TRAK2: variants seen among roughly 807,000 people sequenced by gnomAD.
TRAK2 encodes trafficking kinesin-binding protein 2.
In TRAK2, 81 loss-of-function variants were observed where a neutral mutation model predicts 104.6. The observed-to-expected ratio is 0.77, with a 90% CI of 0.65 to 0.93. TRAK2 has a LOEUF of 0.93. Ranked by LOEUF, TRAK2 falls within the 40% of genes least tolerant of loss-of-function variation. The pLI is 0.00. For synonymous variants in TRAK2, 406 were observed against 394.4 expected, an observed-to-expected ratio of 1.03 and a Z score of -0.35; for missense variants, 1,002 against 1,089.0, an observed-to-expected ratio of 0.92 and a Z score of 1.12.
At chr2:201,412,699 T>C (rs1006684648) in intron 2 of TRAK2, 16 of 1,463,778 alleles carry the variant, frequency 1.1e-5, no homozygotes, top group Admixed American at 1.7e-5. Flanking sequence ...TTCAGAAGGA[T>C]TGGTTGATGA....
intron 3 of TRAK2, among the ~76,000 whole-genome samples, chr2:201,403,025 T>C (rs1285850988): frequency 6.6e-6 from 1 of 151,992 alleles, no homozygotes; most frequent in Non-Finnish European, 1.5e-5. Flanking sequence ...CTGACCAGAG[T>C]TAAAGATGAA....
In TRAK2 at chr2:201,420,575, C is replaced by A; in HGVS notation, c.-68G>T. The A allele has an allele frequency of 7.8e-7, 1 of 1,274,390 alleles. No homozygotes were observed. 78.9% of individuals were successfully genotyped at this position (1,274,390 alleles called of 1,614,324 possible). ...ATGAATCAGAGTAAAGGAAATCCAT[C>A]AAGCCATTCAATAATGAAATGGATT... On this transcript the variant is annotated 5_prime_UTR_variant, in exon 2 of 16. An upstream open reading frame in the 5' UTR loses its in-frame stop. Transcript: ENST00000332624.
intron 1 of TRAK2, among the ~76,000 whole-genome samples, chr2:201,437,108 T>A (rs1012132305): frequency 2.6e-5 from 4 of 152,222 alleles, no homozygotes; most frequent in African/African-American, 9.6e-5. Flanking sequence ...AGAATTAACA[T>A]GCAATAGACG....
intron 3 of TRAK2, among the ~76,000 whole-genome samples, chr2:201,401,414 G>A (rs1951549934): frequency 2.0e-5 from 3 of 151,982 alleles, no homozygotes; most frequent in Admixed American, 2.0e-4. Context: ...AATCTTGGCT[G>A]GGAGAATGGA....
At chr2:201,412,507 C>T (rs1951656781) in intron 2 of TRAK2, 1 of 1,157,386 alleles carries the variant, frequency 8.6e-7, no homozygotes, top group Non-Finnish European at 1.3e-6. Context: ...TTGCTTATTG[C>T]CTTCAAATAT....
chr2:201,397,722 C>T, intron 6 of TRAK2, 142 bp from the exon 7 acceptor site: 1 of 619,606 alleles, frequency 1.6e-6, no homozygotes, highest in Non-Finnish European at 2.8e-6. Context: ...ACATCTCTAC[C>T]TGGCTCATCC....
At chr2:201,406,624 C>T (rs2540334) in intron 3 of TRAK2, among the ~76,000 whole-genome samples, 28,367 of 152,138 alleles carry the variant, frequency 0.19, 2,865 homozygotes, top group Admixed American at 0.3. Context: ...CAATCACCTA[C>T]TTAATTCTAA....
At chr2:201,399,298 A>G in intron 5 of TRAK2, 79 bp downstream of exon 5, 1 of 920,046 alleles carries the variant, frequency 1.1e-6, no homozygotes, top group Non-Finnish European at 1.7e-6. Context: ...CCATCATTTC[A>G]GGGACACCTA....
At chr2:201,408,034 C>G (rs1263989267) in intron 2 of TRAK2, among the ~76,000 whole-genome samples, 1 of 152,112 alleles carries the variant, frequency 6.6e-6, no homozygotes, top group Non-Finnish European at 1.5e-5. Flanking sequence ...AAATATACAA[C>G]AAATTATTGC....
intron 3 of TRAK2, 75 bp from the exon 4 acceptor site, chr2:201,401,169 G>T (rs1204569882): frequency 3.1e-6 from 3 of 961,156 alleles, no homozygotes; most frequent in Non-Finnish European, 4.5e-6. Context: ...AGAATTGAGA[G>T]ATAACAACAA....
intron 2 of TRAK2, 59 bp downstream of exon 2, chr2:201,420,358 G>C (rs1240296053): frequency 7.1e-7 from 1 of 1,399,810 alleles, no homozygotes; most frequent in Non-Finnish European, 1.0e-6. Flanking sequence ...GCTGGACTGA[G>C]GCATTTGCAT....
intron 1 of TRAK2, among the ~76,000 whole-genome samples, chr2:201,426,006 A>C (rs998388896): frequency 1.3e-5 from 2 of 152,210 alleles, no homozygotes; most frequent in African/African-American, 4.8e-5. Flanking sequence ...TATATATATC[A>C]CATAGGAACA....
chr2:201,426,799 T>C (rs1951792496), intron 1 of TRAK2, among the ~76,000 whole-genome samples: 2 of 152,214 alleles, frequency 1.3e-5, no homozygotes, highest in African/African-American at 4.8e-5. Context: ...TGGTATGTTC[T>C]TCCTGGAGAC....
rs190420736 is a variant in TRAK2 at position 201,377,402 on chromosome 2, T to G, written c.*3141A>C. 1 of 152,350 alleles carries G rather than the reference T, an allele frequency of 6.6e-6. No homozygotes were observed. Among genetic ancestry groups the G allele is most frequent in the East Asian group, 1.9e-4 (1 of 5,192 alleles). The allele number at this position is 152,350 out of a possible 1,614,324, so 9.4% of individuals were successfully genotyped here. The stretch of plus-strand genomic sequence containing the variant: ...CGACCGCTCAGTTATCACACTGCAC[T>G]GCTGTTGGGTTGCATGTGGAGTACA... On this transcript the variant is annotated 3_prime_UTR_variant, in exon 16 of 16. Coordinates refer to ENST00000332624, the MANE Select transcript of TRAK2 (RefSeq NM_015049.3).
intron 10 of TRAK2, among the ~76,000 whole-genome samples, chr2:201,391,197 A>G (rs1353170112): frequency 6.6e-6 from 1 of 152,150 alleles, no homozygotes; most frequent in African/African-American, 2.4e-5. Flanking sequence ...GTACAAGATC[A>G]GCTTAAAGGA....
At chr2:201,384,531 G>A (rs1454844141) in intron 14 of TRAK2, among the ~76,000 whole-genome samples, 1 of 152,036 alleles carries the variant, frequency 6.6e-6, no homozygotes. Flanking sequence ...CTACTCTAGT[G>A]GTTCTCAAAG....
Position 201,398,062 on chromosome 2 carries a change from T to C in TRAK2, c.690+83A>G, listed in dbSNP as rs963589771. 5.5e-6 allele frequency: 7 copies of C among 1,280,876 alleles called. No individual in the cohort carries two copies. The East Asian group carries it at 1.2e-4, about 21-fold the overall frequency. The allele number at this position is 1,280,876 out of a possible 1,614,324, so 79.3% of individuals were successfully genotyped here. On this transcript the variant is annotated intron_variant, in intron 6 of 15. Coordinates refer to ENST00000332624, the MANE Select transcript of TRAK2 (RefSeq NM_015049.3). The stretch of plus-strand genomic sequence containing the variant: ...AATGCCAATAGCAAATCCTTACTTA[T>C]GCCATATTTCACCTCAATAGTACCT...
At chr2:201,388,860 T>A (rs1390108096) in intron 12 of TRAK2, among the ~76,000 whole-genome samples, 5 of 152,316 alleles carry the variant, frequency 3.3e-5, no homozygotes, top group African/African-American at 7.2e-5. Context: ...CAAACATCTA[T>A]CTTGCAAAGC....
At chr2:201,450,508 T>A (rs1292202969) in intron 1 of TRAK2, among the ~76,000 whole-genome samples, 2 of 152,190 alleles carry the variant, frequency 1.3e-5, no homozygotes, top group Non-Finnish European at 2.9e-5. Flanking sequence ...CTTCACAATT[T>A]GTTTTTAAGT....
Sources: allele counts gnomAD v4.1 joint callset (sites outside exome capture counted in the v4.1 genomes callset), GRCh38; gene constraint gnomAD v4.1.1; transcripts MANE v1.5; gene names NCBI Gene and HGNC (gene_info 2026-07-23, HGNC 2026-07-21).